SGIP1: variants seen among roughly 807,000 people sequenced by gnomAD.
SGIP1 encodes SH3GL interacting endocytic adaptor 1, also known as SH3-containing GRB2-like protein 3-interacting protein 1.
Under a neutral mutation model 107.5 loss-of-function variants are expected in SGIP1, and 38 were observed. The observed-to-expected ratio is 0.35, with a 90% confidence interval of 0.27 to 0.46. The LOEUF (loss-of-function observed/expected upper bound fraction) is 0.46, where lower values mean the gene tolerates loss of function less well. Among genes scored for constraint, SGIP1 ranks in the 20% least tolerant of loss-of-function variants. The pLI is 1.00. For missense variants in SGIP1, 929 were observed against 1,019.5 expected (o/e 0.91, Z 1.21); for synonymous variants, 365 against 366.1 (o/e 1.00, Z 0.03).
At chr1:66,561,703 T>C (rs1009502198) in intron 1 of SGIP1, among the ~76,000 whole-genome samples, 14 of 152,004 alleles carry the variant, frequency 9.2e-5, no homozygotes, top group African/African-American at 3.4e-4. Context: ...AGGAAGACAC[T>C]CGGTCCCACC....
intron 1 of SGIP1, among the ~76,000 whole-genome samples, chr1:66,606,161 C>T (rs1350656578): frequency 1.3e-5 from 2 of 152,144 alleles, no homozygotes; most frequent in African/African-American, 2.4e-5. Context: ...ATCTTAGTGC[C>T]ATTTATTCAC....
At chr1:66,660,026 G>A (rs1557498660) in intron 7 of SGIP1, 104 of 108,980 alleles carry the variant, frequency 9.5e-4, no homozygotes, top group Non-Finnish European at 1.1e-3. Context: ...CAGGAAGGAA[G>A]GAAGGAAGGA....
intron 17 of SGIP1, among the ~76,000 whole-genome samples, chr1:66,693,577 G>A (rs2090313345): frequency 6.6e-6 from 1 of 151,902 alleles, no homozygotes; most frequent in Admixed American, 6.6e-5. Context: ...CTTTCTTACT[G>A]GTCTTTGTAC....
chr1:66,622,037 G>C (rs1220178984), intron 1 of SGIP1, among the ~76,000 whole-genome samples: 3 of 152,198 alleles, frequency 2.0e-5, no homozygotes, highest in Admixed American at 6.5e-5. Context: ...AAGCTCATGA[G>C]ATTGTGCTGG....
intron 2 of SGIP1, chr1:66,628,664 G>T (rs1235662503): frequency 1.3e-5 from 2 of 153,074 alleles, no homozygotes; most frequent in Admixed American, 6.6e-5. Context: ...AGAGAGAAAA[G>T]GTTGAACAAC....
intron 1 of SGIP1, among the ~76,000 whole-genome samples, chr1:66,603,433 T>C (rs2066240269): frequency 6.6e-6 from 1 of 152,166 alleles, no homozygotes; most frequent in African/African-American, 2.4e-5. Context: ...GAGCAAACAA[T>C]GCTTTCTCAA....
At chr1:66,726,651 C>CA (rs564219089) in intron 19 of SGIP1, among the ~76,000 whole-genome samples, 112 of 152,124 alleles carry the variant, frequency 7.4e-4, no homozygotes, top group African/African-American at 2.5e-3. Flanking sequence ...ACAGTCTTCT[C>CA]AAAAAAATGA....
At chr1:66,652,824 A>C (rs980756754) in intron 7 of SGIP1, among the ~76,000 whole-genome samples, 17 of 152,332 alleles carry the variant, frequency 1.1e-4, no homozygotes, top group African/African-American at 3.8e-4. Context: ...TGGTAGAAGC[A>C]GTGCACAGTG....
At chr1:66,718,088 T>C (rs987548907) in intron 18 of SGIP1, among the ~76,000 whole-genome samples, 1 of 152,106 alleles carries the variant, frequency 6.6e-6, no homozygotes, top group Non-Finnish European at 1.5e-5. Context: ...TAGCATGAAC[T>C]AGAGTGATCA....
rs1211511801 is a variant in SGIP1, at chr1:66,744,307, G to A, written c.*1212G>A. On this transcript the variant is annotated 3_prime_UTR_variant, in exon 25 of 25. Transcript: ENST00000371037. ...CTTTGCCATTCTTGGAGAAGCAAAA[G>A]GAGAGTTATCAAAAATGTATGTCGT... 1 of 152,124 alleles carries A rather than the reference G, an allele frequency of 6.6e-6. No individual in the cohort carries two copies. The highest frequency in any genetic ancestry group is 2.4e-5 in the African/African-American group (1 of 41,454). 9.4% of individuals were successfully genotyped at this position (152,124 alleles called of 1,614,324 possible). A position where few individuals can be genotyped will look rare whatever the true frequency, so the allele number is the denominator to read the frequency against.
chr1:66,645,714 A>G (rs1387708187), intron 7 of SGIP1, among the ~76,000 whole-genome samples: 1 of 152,194 alleles, frequency 6.6e-6, no homozygotes. Flanking sequence ...GGAAAAGGTG[A>G]GCAGGTTTCT....
intron 12 of SGIP1, among the ~76,000 whole-genome samples, chr1:66,674,009 A>T (rs1289798477): frequency 2.0e-5 from 3 of 152,078 alleles, no homozygotes; most frequent in South Asian, 4.2e-4. Flanking sequence ...CTACAAAAAA[A>T]TTTTTAAAAT....
intron 7 of SGIP1, among the ~76,000 whole-genome samples, chr1:66,653,001 G>A (rs1039319880): frequency 5.9e-5 from 9 of 152,030 alleles, no homozygotes; most frequent in Non-Finnish European, 1.2e-4. Flanking sequence ...TCAAACATGG[G>A]GCATATAAAC....
At chr1:66,611,204 T>C (rs2067925768) in intron 1 of SGIP1, among the ~76,000 whole-genome samples, 1 of 152,248 alleles carries the variant, frequency 6.6e-6, no homozygotes, top group African/African-American at 2.4e-5. Context: ...AGTTTCTGAA[T>C]GCATGATTTA....
intron 21 of SGIP1, among the ~76,000 whole-genome samples, chr1:66,734,902 G>C (rs143761729): frequency 6.6e-6 from 1 of 152,074 alleles, no homozygotes; most frequent in Non-Finnish European, 1.5e-5. Flanking sequence ...ATATATGTAC[G>C]TTATGGAATG....
At chr1:66,740,363 A>G (rs1327579677) in intron 22 of SGIP1, among the ~76,000 whole-genome samples, 1 of 151,406 alleles carries the variant, frequency 6.6e-6, no homozygotes, top group African/African-American at 2.4e-5. Context: ...TAATTGATTA[A>G]CACTCCTATC....
At chr1:66,586,266 G>T (rs2062600519) in intron 1 of SGIP1, among the ~76,000 whole-genome samples, 1 of 152,038 alleles carries the variant, frequency 6.6e-6, no homozygotes, top group Non-Finnish European at 1.5e-5. Flanking sequence ...TTATATAGAT[G>T]GGTCATATTT....
chr1:66,742,219 T>TCACC (rs2094469331), intron 24 of SGIP1, among the ~76,000 whole-genome samples: 1 of 152,088 alleles, frequency 6.6e-6, no homozygotes, highest in African/African-American at 2.4e-5. Flanking sequence ...TCAAAACTGG[T>TCACC]CACCCATAAG....
At chr1:66,634,033 G>A in intron 3 of SGIP1, 2 of 1,498,500 alleles carry the variant, frequency 1.3e-6, no homozygotes, top group East Asian at 2.4e-5. Context: ...AAAATAGACT[G>A]AAATTGATCA....
Sources: gnomAD v4.1 joint callset for allele counts (sites outside exome capture counted in the v4.1 genomes callset) on GRCh38, gnomAD v4.1.1 for gene constraint, MANE v1.5 for transcripts, NCBI Gene and HGNC (gene_info 2026-07-23, HGNC 2026-07-21) for gene names.